RARB: variants seen among roughly 807,000 people sequenced by gnomAD.
RARB encodes retinoic acid receptor beta, also known as HBV-activated protein.
A neutral mutation model predicts 51.9 loss-of-function variants in RARB; 17 were observed. That is an observed-to-expected ratio of 0.33 (90% CI 0.22 to 0.49). The LOEUF (loss-of-function observed/expected upper bound fraction) is 0.49. RARB is among the 20% of genes least tolerant of loss of function. The pLI is 0.99. For synonymous variants in RARB, 215 were observed against 195.4 expected (o/e 1.10, Z -0.84); for missense variants, 369 against 550.8 (o/e 0.67, Z 3.30).
chr3:25,477,421 T>C (rs1255340997), intron 2 of RARB, among the ~76,000 whole-genome samples: 1 of 152,190 alleles, frequency 6.6e-6, no homozygotes, highest in African/African-American at 2.4e-5. Flanking sequence ...TTATCAATTA[T>C]TCAGGTTACT....
intron 5 of RARB, among the ~76,000 whole-genome samples, chr3:25,290,377 G>A (rs1450112241): frequency 6.6e-6 from 1 of 152,126 alleles, no homozygotes; most frequent in African/African-American, 2.4e-5. Context: ...CTCGAGAGAG[G>A]CCTCAGAAGA....
At chr3:25,002,748 CTG>C (rs67576318) in intron 2 of RARB, among the ~76,000 whole-genome samples, 43,757 of 150,326 alleles carry the variant, frequency 0.29, 7,667 homozygotes, top group African/African-American at 0.51. Context: ...AAGACATATT[CTG>C]TGTGTGTGTG....
intron 3 of RARB, among the ~76,000 whole-genome samples, chr3:25,092,259 G>C (rs1699211867): frequency 6.6e-6 from 1 of 152,152 alleles, no homozygotes; most frequent in Non-Finnish European, 1.5e-5. Context: ...AAACTATTGT[G>C]ATGTTTGAGC....
At chr3:24,966,787 A>G (rs925458587) in intron 2 of RARB, among the ~76,000 whole-genome samples, 1 of 152,222 alleles carries the variant, frequency 6.6e-6, no homozygotes, top group Non-Finnish European at 1.5e-5. Context: ...TCTGGTTATC[A>G]GCATGAATTC....
exon 5 of RARB, chr3:25,174,172 G>A (rs1438295401): frequency 2.4e-5 from 6 of 249,184 alleles, no homozygotes; most frequent in South Asian, 5.1e-5. Context: ...CTTAAACTGC[G>A]AAGCTGAACG....
chr3:25,153,767 C>A (rs1306109888), intron 4 of RARB, among the ~76,000 whole-genome samples: 1 of 152,102 alleles, frequency 6.6e-6, no homozygotes, highest in Non-Finnish European at 1.5e-5. Flanking sequence ...GATAACTTGC[C>A]CAGCCCTGTT....
rs575795193 is a variant in RARB at position 24,913,244 on chromosome 3, A to T, written c.-380+54492A>T. ...CCTGATCTGCCCACCTTGGCCTCCC[A>T]AAGTGCTGGGATTACAGGTGTGAGC... On this transcript the variant is annotated intron_variant, in intron 2 of 11. Transcript: ENST00000383772. Among the ~76,000 whole-genome samples, 3 of 151,966 alleles carry T rather than the reference A, an allele frequency of 2.0e-5. No homozygotes were observed. The East Asian group carries it at 5.8e-4, about 30-fold the overall frequency.
chr3:25,390,599 A>G (rs2363598), intron 5 of RARB, among the ~76,000 whole-genome samples: 62,964 of 152,066 alleles, frequency 0.41, 13,536 homozygotes, highest in East Asian at 0.73. Context: ...AAAAAATAAT[A>G]GTACAGGTTT....
chr3:25,216,486 C>T (rs1486990828), intron 5 of RARB, among the ~76,000 whole-genome samples: 1 of 151,536 alleles, frequency 6.6e-6, no homozygotes, highest in Admixed American at 6.6e-5. Context: ...AACACAGGAA[C>T]AGAAAACCAA....
intron 2 of RARB, among the ~76,000 whole-genome samples, chr3:25,489,873 G>T (rs1286369345): frequency 6.6e-6 from 1 of 152,260 alleles, no homozygotes; most frequent in African/African-American, 2.4e-5. Flanking sequence ...CCATTTCATT[G>T]CTGATCTCAG....
intron 5 of RARB, among the ~76,000 whole-genome samples, chr3:25,296,848 G>A (rs1703927012): frequency 1.3e-5 from 2 of 152,174 alleles, no homozygotes; most frequent in South Asian, 4.1e-4. Context: ...CATCTCACTT[G>A]CATGCTATCC....
intron 3 of RARB, among the ~76,000 whole-genome samples, chr3:25,068,566 T>C (rs1429760585): frequency 6.6e-6 from 1 of 152,314 alleles, no homozygotes; most frequent in East Asian, 1.9e-4. Context: ...AAGAAAAAAT[T>C]AACGGAAGTT....
At chr3:24,934,060 C>T (rs543222577) in intron 2 of RARB, among the ~76,000 whole-genome samples, 9 of 152,046 alleles carry the variant, frequency 5.9e-5, no homozygotes, top group East Asian at 1.9e-4. Context: ...AATGAAGTTC[C>T]CTTTGAAGAG....
rs368619256 is a variant in RARB at position 25,164,577 on chromosome 3, A to G, written c.-279-9542A>G. Reference sequence around the variant, plus strand: ...GAATGAACTTGTTAAAAATACATTTATGGCTAGACTTGATTTTCTAGAATA... The same window carrying G: ...GAATGAACTTGTTAAAAATACATTTGTGGCTAGACTTGATTTTCTAGAATA... On this transcript the variant is annotated intron_variant, in intron 4 of 11. Coordinates refer to the RARB transcript ENST00000383772. Among the ~76,000 whole-genome samples, 5 of 152,332 alleles carry G rather than the reference A, an allele frequency of 3.3e-5. No individual in the cohort carries two copies. The South Asian group carries it at 6.2e-4, about 19-fold the overall frequency.
At chr3:25,184,977 C>G (rs1700943640) in intron 5 of RARB, among the ~76,000 whole-genome samples, 1 of 152,136 alleles carries the variant, frequency 6.6e-6, no homozygotes, top group Non-Finnish European at 1.5e-5. Context: ...CACAATTCAT[C>G]CACTTACTAG....
At position 24,974,492 on chromosome 3, in the gene RARB, A is replaced by T. The variant is rs970086824; in HGVS notation, c.-379-85633A>T. Among the ~76,000 whole-genome samples the T allele has an allele frequency of 3.3e-5, 5 of 152,146 alleles. No homozygotes were observed. In the East Asian group the frequency reaches 9.7e-4, roughly 29 times the overall value. On this transcript the variant is annotated intron_variant, in intron 2 of 11. Coordinates refer to the RARB transcript ENST00000383772. ...GTCTTTCTTGGTTCCGATGTCATGG[A>T]TGTTAAAATACATGATCCAACTGAC... is the stretch of plus-strand genomic sequence containing the variant.
chr3:25,097,642 T>C (rs558550356), intron 3 of RARB, among the ~76,000 whole-genome samples: 1 of 152,204 alleles, frequency 6.6e-6, no homozygotes, highest in South Asian at 2.1e-4. Flanking sequence ...AGACATCATC[T>C]CTAAAAACAA....
At chr3:25,491,434 T>A (rs1696731606) in intron 2 of RARB, among the ~76,000 whole-genome samples, 1 of 152,148 alleles carries the variant, frequency 6.6e-6, no homozygotes, top group African/African-American at 2.4e-5. Context: ...GTGATTACAG[T>A]GAACTACTTA....
chr3:25,275,656 G>T (rs1004317213), intron 5 of RARB, among the ~76,000 whole-genome samples: 2 of 152,108 alleles, frequency 1.3e-5, no homozygotes, highest in South Asian at 4.2e-4. Context: ...GCCCATCTTG[G>T]TCATAGCTGA....
Sources: gnomAD v4.1 joint callset for allele counts (sites outside exome capture counted in the v4.1 genomes callset) on GRCh38, gnomAD v4.1.1 for gene constraint, MANE v1.5 for transcripts, NCBI Gene and HGNC (gene_info 2026-07-23, HGNC 2026-07-21) for gene names.